Variants in CLNK observed in about 807,000 individuals in gnomAD.
CLNK encodes cytokine dependent hematopoietic cell linker.
CLNK carries 74 observed loss-of-function variants against 68.6 expected under a neutral mutation model. That is an observed-to-expected ratio of 1.08 (90% CI 0.89 to 1.31). The LOEUF (loss-of-function observed/expected upper bound fraction) is 1.31, where lower values mean the gene tolerates loss of function less well. Ranked by LOEUF, CLNK falls within the 50% of genes most tolerant of loss-of-function variation. The pLI is 0.00. For missense variants in CLNK, 553 were observed against 515.3 expected, an observed-to-expected ratio of 1.07 and a Z score of -0.71; for synonymous variants, 198 against 172.2, an observed-to-expected ratio of 1.15 and a Z score of -1.17.
chr4:10,671,690 T>C (rs1466739488), intron 1 of CLNK, among the ~76,000 whole-genome samples: 1 of 152,152 alleles, frequency 6.6e-6, no homozygotes, highest in Non-Finnish European at 1.5e-5. Context: ...GACAAGGCAG[T>C]GAACACAGAT....
At chr4:10,521,484 C>A (rs929987047) in intron 14 of CLNK, among the ~76,000 whole-genome samples, 2 of 152,230 alleles carry the variant, frequency 1.3e-5, no homozygotes, top group African/African-American at 2.4e-5. Flanking sequence ...TCAACATAAG[C>A]TCCAGGTGCT....
chr4:10,580,334 C>A (rs752512801), intron 4 of CLNK, among the ~76,000 whole-genome samples: 89 of 152,308 alleles, frequency 5.8e-4, no homozygotes, highest in Admixed American at 9.8e-4. Flanking sequence ...GATAAAATAA[C>A]TATAACACTG....
At chr4:10,714,524 T>G in the CLNK span, among the ~76,000 whole-genome samples, 1 of 152,234 alleles carries the variant, frequency 6.6e-6, no homozygotes, top group Non-Finnish European at 1.5e-5. Context: ...TATATAGTGT[T>G]CAAATGGCTA....
At chr4:10,509,940 A>T (rs1289345812) in intron 16 of CLNK, among the ~76,000 whole-genome samples, 1 of 152,198 alleles carries the variant, frequency 6.6e-6, no homozygotes, top group Admixed American at 6.5e-5. Context: ...GACAGGCTCT[A>T]GAGACAAAGG....
At chr4:10,575,915 T>G (rs546024526) in intron 4 of CLNK, among the ~76,000 whole-genome samples, 119 of 152,384 alleles carry the variant, frequency 7.8e-4, no homozygotes, top group African/African-American at 2.5e-3. Flanking sequence ...TAAGACTTTT[T>G]TTTTATGTTT....
chr4:10,734,657 G>C, the CLNK span, among the ~76,000 whole-genome samples: 1 of 152,156 alleles, frequency 6.6e-6, no homozygotes, highest in Non-Finnish European at 1.5e-5. Context: ...CAAAATTCCT[G>C]GTATTTTACA....
At chr4:10,683,166 T>C (rs1166273714) in intron 1 of CLNK, among the ~76,000 whole-genome samples, 1 of 152,156 alleles carries the variant, frequency 6.6e-6, no homozygotes, top group Non-Finnish European at 1.5e-5. Flanking sequence ...TGAAACAACA[T>C]CCCTGGTCCA....
At position 10,513,460 on chromosome 4, in the gene CLNK, T is replaced by C; in HGVS notation, c.906+4A>G. 6.2e-7 allele frequency: 1 copy of C among 1,610,436 alleles called. No individual in the cohort carries two copies. Among genetic ancestry groups the C allele is most frequent in the Non-Finnish European group, 8.5e-7 (1 of 1,178,284 alleles). ...AAGGACTTGGCAGAGAAGTGTCTGC[T>C]TACCTTTCTATCAGACCTTTTGGGG... On this transcript the variant is annotated splice_donor_region_variant and intron_variant, in intron 16 of 18. Coordinates refer to ENST00000226951, the MANE Select transcript of CLNK (RefSeq NM_052964.4).
At chr4:10,582,372 T>C (rs1720813754) in intron 4 of CLNK, among the ~76,000 whole-genome samples, 1 of 152,230 alleles carries the variant, frequency 6.6e-6, no homozygotes, top group Non-Finnish European at 1.5e-5. Context: ...AAGACTGCTT[T>C]CCTTAGAAAA....
At chr4:10,587,814 C>T (rs185068838) in intron 3 of CLNK, among the ~76,000 whole-genome samples, 1 of 152,292 alleles carries the variant, frequency 6.6e-6, no homozygotes, top group Admixed American at 6.5e-5. Flanking sequence ...TCCCCGGTCC[C>T]TACTGTCTCC....
At chr4:10,530,003 T>C (rs551091760) in intron 12 of CLNK, among the ~76,000 whole-genome samples, 1 of 152,218 alleles carries the variant, frequency 6.6e-6, no homozygotes, top group South Asian at 2.1e-4. Context: ...TTTCTTTTCC[T>C]TTTTCCTCCC....
At chr4:10,624,862 T>C (rs986803933) in intron 2 of CLNK, among the ~76,000 whole-genome samples, 2 of 152,042 alleles carry the variant, frequency 1.3e-5, no homozygotes, top group Non-Finnish European at 2.9e-5. Context: ...CTGTGAGAAA[T>C]AGACTTACAG....
At chr4:10,686,013 G>C (rs1212122414), upstream of CLNK, among the ~76,000 whole-genome samples, 1 of 152,140 alleles carries the variant, frequency 6.6e-6, no homozygotes, top group Non-Finnish European at 1.5e-5. Context: ...TGAGCCCTGA[G>C]TGGCTAACAA....
At chr4:10,524,165 A>G (rs2109051228) in intron 14 of CLNK, among the ~76,000 whole-genome samples, 1 of 151,978 alleles carries the variant, frequency 6.6e-6, no homozygotes, top group South Asian at 2.1e-4. Flanking sequence ...GCTGTTTGGG[A>G]CTTAAACACC....
chr4:10,528,413 C>T (rs912194328), intron 12 of CLNK, among the ~76,000 whole-genome samples: 11 of 152,136 alleles, frequency 7.2e-5, no homozygotes, highest in African/African-American at 2.7e-4. Context: ...CTCAATAATT[C>T]CATTGATGAG....
At chr4:10,506,396 C>T (rs912509575) in intron 17 of CLNK, among the ~76,000 whole-genome samples, 5 of 152,164 alleles carry the variant, frequency 3.3e-5, no homozygotes, top group Non-Finnish European at 5.9e-5. Flanking sequence ...TGGGTTTATC[C>T]ACCCAAACCC....
At chr4:10,667,755 G>A in intron 2 of CLNK, 104 bp downstream of exon 2, 1 of 1,079,254 alleles carries the variant, frequency 9.3e-7, no homozygotes, top group Non-Finnish European at 1.3e-6. Context: ...CCTTTTCCAT[G>A]GGCGGCCACA....
At chr4:10,588,115 T>C (rs1721038226) in intron 3 of CLNK, among the ~76,000 whole-genome samples, 1 of 152,216 alleles carries the variant, frequency 6.6e-6, no homozygotes, top group Non-Finnish European at 1.5e-5. Flanking sequence ...TGATATGTTT[T>C]TGTGATTGTG....
upstream of CLNK, among the ~76,000 whole-genome samples, chr4:10,689,539 T>C (rs1725388491): frequency 6.6e-6 from 1 of 152,164 alleles, no homozygotes. Context: ...TCCCTTCAGC[T>C]GGTCGTGACT....
Sources: gnomAD v4.1 joint callset for allele counts (sites outside exome capture counted in the v4.1 genomes callset) on GRCh38, gnomAD v4.1.1 for gene constraint, MANE v1.5 for transcripts, NCBI Gene and HGNC (gene_info 2026-07-23, HGNC 2026-07-21) for gene names.